The following TAF13 variants were observed in gnomAD, a reference collection of about 807,000 sequenced individuals.
TAF13 encodes the protein TATA-box binding protein associated factor 13.
A neutral mutation model predicts 18.7 loss-of-function variants in TAF13; 9 were observed. That is an observed-to-expected ratio of 0.48 (90% CI 0.29 to 0.84). TAF13 has a LOEUF of 0.84. TAF13 is among the 40% of genes least tolerant of loss of function. The pLI is 0.08. For synonymous variants in TAF13, 49 were observed against 44.1 expected (o/e 1.11, Z -0.44); for missense variants, 105 against 146.5 (o/e 0.72, Z 1.46).
At chr1:109,074,022 C>T (rs1415451134) in intron 2 of TAF13, among the ~76,000 whole-genome samples, 2 of 152,050 alleles carry the variant, frequency 1.3e-5, no homozygotes, top group Admixed American at 6.6e-5. Flanking sequence ...CCAGGCCGCC[C>T]GCATCTGGGA....
chr1:109,071,605 CCT>C (rs890555600), intron 2 of TAF13, among the ~76,000 whole-genome samples: 6 of 151,314 alleles, frequency 4.0e-5, no homozygotes, highest in African/African-American at 1.5e-4. Context: ...AGAGTGAGAC[CCT>C]GTCTCTAAGA....
At chr1:109,074,808 A>G (rs1664154074) in intron 2 of TAF13, among the ~76,000 whole-genome samples, 179 bp downstream of exon 2, 1 of 151,838 alleles carries the variant, frequency 6.6e-6, no homozygotes, top group African/African-American at 2.4e-5. Flanking sequence ...ATTTATACAC[A>G]CACACACAAT....
At chr1:109,066,338 T>C in intron 2 of TAF13, 106 bp from the exon 3 acceptor site, 1 of 823,806 alleles carries the variant, frequency 1.2e-6, no homozygotes. Flanking sequence ...AATATTGGTA[T>C]GAAAACATAT....
intron 2 of TAF13, among the ~76,000 whole-genome samples, chr1:109,068,674 C>G (rs777096406): frequency 6.6e-6 from 1 of 152,156 alleles, no homozygotes; most frequent in Non-Finnish European, 1.5e-5. Context: ...CTTATCCTAT[C>G]GCCTATAAAC....
At position 109,064,321 on chromosome 1, in the gene TAF13, A is replaced by G. The variant is rs1663913906; in HGVS notation, c.*202T>C. On this transcript the variant is annotated 3_prime_UTR_variant, in exon 4 of 4. Transcript: ENST00000338366. The stretch of plus-strand genomic sequence containing the variant: ...GTGTGGTCATTAAAACCCAGTAAGT[A>G]ATTCAAGTATGGTAATATAAAGGCA... The G allele has an allele frequency of 5.1e-6, 2 of 392,626 alleles. No homozygotes were observed. The highest frequency in any genetic ancestry group is 1.5e-4 in the South Asian group (2 of 13,168). 24.3% of individuals were successfully genotyped at this position (392,626 alleles called of 1,614,324 possible).
At position 109,064,382 on chromosome 1, in the gene TAF13, A is replaced by T; in HGVS notation, c.*141T>A. 1.4e-6 allele frequency: 1 copy of T among 697,764 alleles called. No individual in the cohort carries two copies. The highest frequency in any genetic ancestry group is 2.1e-6 in the Non-Finnish European group (1 of 480,216). 43.2% of individuals were successfully genotyped at this position (697,764 alleles called of 1,614,324 possible). On this transcript the variant is annotated 3_prime_UTR_variant, in exon 4 of 4. Transcript: ENST00000338366. ...TGCACCAATATCACCCTAAAATCAA[A>T]GGCATAAAAATAAAGGCTGAAAACT...
chr1:109,070,663 G>A (rs1044201318), intron 2 of TAF13, among the ~76,000 whole-genome samples: 1 of 152,144 alleles, frequency 6.6e-6, no homozygotes, highest in Non-Finnish European at 1.5e-5. Context: ...CAAAGTGCTG[G>A]GATTACAGGC....
At chr1:109,072,121 C>CATAT (rs1206553272) in intron 2 of TAF13, among the ~76,000 whole-genome samples, 48 of 4,680 alleles carry the variant, frequency 0.01, 3 homozygotes, top group African/African-American at 0.037. Flanking sequence ...TATATACACA[C>CATAT]ATATATATAT....
intron 2 of TAF13, among the ~76,000 whole-genome samples, chr1:109,073,497 T>C (rs1664113529): frequency 6.6e-6 from 1 of 152,158 alleles, no homozygotes; most frequent in Non-Finnish European, 1.5e-5. Context: ...GCAGCCTCCC[T>C]GCCTGACTAC....
At chr1:109,071,761 G>T (rs1336725079) in intron 2 of TAF13, among the ~76,000 whole-genome samples, 1 of 151,456 alleles carries the variant, frequency 6.6e-6, no homozygotes, top group East Asian at 1.9e-4. Flanking sequence ...AGACCATCCT[G>T]GCCAACATGA....
intron 2 of TAF13, among the ~76,000 whole-genome samples, chr1:109,071,866 C>T (rs1181169795): frequency 6.7e-6 from 1 of 150,092 alleles, no homozygotes; most frequent in Non-Finnish European, 1.5e-5. Flanking sequence ...GCAGGAGAGT[C>T]GCTTGAGCCC....
At position 109,075,912 on chromosome 1, in the gene TAF13, G is replaced by A. The variant is rs1260466934; in HGVS notation, c.27+9C>T. On this transcript the variant is annotated intron_variant, in intron 1 of 3. Transcript: ENST00000338366. ...AAAAGACAGGTTTTGGACAGAGACGGTCACTCACCGTGGGGTCTTCTTCCT... is the reference window on the plus strand; with the variant it reads ...AAAAGACAGGTTTTGGACAGAGACGATCACTCACCGTGGGGTCTTCTTCCT... The A allele has an allele frequency of 6.2e-7, 1 of 1,614,106 alleles. No individual in the cohort carries two copies. The highest frequency in any genetic ancestry group is 1.3e-5 in the African/African-American group (1 of 74,942).
At chr1:109,075,222 T>C (rs1438718825) in intron 1 of TAF13, among the ~76,000 whole-genome samples, 157 bp from the exon 2 acceptor site, 4 of 151,676 alleles carry the variant, frequency 2.6e-5, no homozygotes, top group African/African-American at 7.3e-5. Context: ...AAGGAGCCTA[T>C]GTATCTAGTC....
At chr1:109,065,073 G>C (rs1663930104) in intron 3 of TAF13, among the ~76,000 whole-genome samples, 1 of 151,826 alleles carries the variant, frequency 6.6e-6, no homozygotes, top group South Asian at 2.1e-4. Flanking sequence ...AATAAATATT[G>C]GTGGGTTTTC....
At chr1:109,069,554 CAT>C (rs1431065149) in intron 2 of TAF13, among the ~76,000 whole-genome samples, 2 of 151,782 alleles carry the variant, frequency 1.3e-5, no homozygotes, top group African/African-American at 2.4e-5. Context: ...GAACCCATGA[CAT>C]AGAGAGCCGA....
intron 3 of TAF13, among the ~76,000 whole-genome samples, chr1:109,065,650 C>T (rs1663938435): frequency 1.3e-5 from 2 of 151,884 alleles, no homozygotes; most frequent in African/African-American, 4.8e-5. Context: ...AGGCTGGGCG[C>T]GTTGGCTCAC....
intron 2 of TAF13, among the ~76,000 whole-genome samples, chr1:109,069,404 T>C (rs1664011585): frequency 6.6e-6 from 1 of 152,302 alleles, no homozygotes; most frequent in South Asian, 2.1e-4. Context: ...CCTAATACAA[T>C]GTAAATGCTA....
chr1:109,065,716 A>C (rs1461718586), intron 3 of TAF13, among the ~76,000 whole-genome samples: 1 of 152,020 alleles, frequency 6.6e-6, no homozygotes, highest in African/African-American at 2.4e-5. Flanking sequence ...TGAGGTTGGG[A>C]GTTTGAGACC....
chr1:109,066,864 C>CA (rs1413943900), intron 2 of TAF13, among the ~76,000 whole-genome samples: 1 of 152,060 alleles, frequency 6.6e-6, no homozygotes, highest in African/African-American at 2.4e-5. Flanking sequence ...GGACTACAGG[C>CA]ACCCACCACC....
Sources: gnomAD v4.1 joint callset for allele counts (sites outside exome capture counted in the v4.1 genomes callset) on GRCh38, gnomAD v4.1.1 for gene constraint, MANE v1.5 for transcripts, NCBI Gene and HGNC (gene_info 2026-07-23, HGNC 2026-07-21) for gene names.